The following CNTNAP5 variants were observed in gnomAD, a reference collection of about 807,000 sequenced individuals.
CNTNAP5 encodes the protein contactin associated protein family member 5, also known as contactin-associated protein-like 5.
Under a neutral mutation model 150.2 loss-of-function variants are expected in CNTNAP5, and 72 were observed. That is an observed-to-expected ratio of 0.48 (90% CI 0.40 to 0.58). The LOEUF (loss-of-function observed/expected upper bound fraction) is 0.58. Ranked by LOEUF, CNTNAP5 falls within the 20% of genes least tolerant of loss-of-function variation. The probability of loss-of-function intolerance (pLI) is 0.00; values close to 1 mark genes in which losing one functional copy is unlikely to be tolerated. For synonymous variants in CNTNAP5, 672 were observed against 619.8 expected (o/e 1.08, Z -1.25); for missense variants, 1,636 against 1,626.2 (o/e 1.01, Z -0.10).
At chr2:124,674,505 CT>C (rs764616324) in intron 13 of CNTNAP5, among the ~76,000 whole-genome samples, 1 of 105,978 alleles carries the variant, frequency 9.4e-6, no homozygotes, top group African/African-American at 3.4e-5. Flanking sequence ...TCCTTTCTTT[CT>C]TTCTCTTTCT....
At chr2:124,423,146 C>T (rs1304039377) in intron 4 of CNTNAP5, among the ~76,000 whole-genome samples, 1 of 152,174 alleles carries the variant, frequency 6.6e-6, no homozygotes, top group African/African-American at 2.4e-5. Flanking sequence ...CTTGGGCAAT[C>T]TTGGGTCCTC....
chr2:124,025,754 C>A (rs371083325), intron 1 of CNTNAP5, 22 bp downstream of exon 1: 806 of 1,578,434 alleles, frequency 5.1e-4, no homozygotes, highest in Non-Finnish European at 6.6e-4. Context: ...GAGCTGGGGG[C>A]GGGAAGGTGA....
chr2:124,653,095 T>C (rs1678356608), intron 13 of CNTNAP5, among the ~76,000 whole-genome samples: 1 of 152,184 alleles, frequency 6.6e-6, no homozygotes, highest in African/African-American at 2.4e-5. Flanking sequence ...TCCAGAGCCC[T>C]ACAGCATCAC....
chr2:124,830,562 G>A (rs1682692956), intron 19 of CNTNAP5, among the ~76,000 whole-genome samples: 1 of 151,958 alleles, frequency 6.6e-6, no homozygotes, highest in Admixed American at 6.6e-5. Flanking sequence ...CTATATAATA[G>A]AGGAATGTAA....
intron 19 of CNTNAP5, among the ~76,000 whole-genome samples, chr2:124,806,358 T>G (rs1488431126): frequency 6.6e-6 from 1 of 152,160 alleles, no homozygotes; most frequent in African/African-American, 2.4e-5. Context: ...CCTGGTGCAT[T>G]TCAAAAGTCT....
At chr2:124,359,528 G>A (rs557191795) in intron 3 of CNTNAP5, among the ~76,000 whole-genome samples, 141 of 150,274 alleles carry the variant, frequency 9.4e-4, no homozygotes, top group Admixed American at 2.2e-3. Flanking sequence ...TGGTTTCAAA[G>A]AACATCTTTA....
At chr2:124,280,710 G>T (rs1687992014) in intron 3 of CNTNAP5, among the ~76,000 whole-genome samples, 1 of 151,920 alleles carries the variant, frequency 6.6e-6, no homozygotes, top group Non-Finnish European at 1.5e-5. Flanking sequence ...CAACTATTAT[G>T]TCTTCAAATC....
intron 13 of CNTNAP5, among the ~76,000 whole-genome samples, chr2:124,722,889 C>G (rs1423930186): frequency 3.3e-5 from 5 of 152,178 alleles, no homozygotes; most frequent in Non-Finnish European, 7.3e-5. Flanking sequence ...AGAAGTCTGA[C>G]AGTCTTCCTT....
chr2:124,361,686 G>C (rs1015450218), intron 3 of CNTNAP5, among the ~76,000 whole-genome samples: 1 of 147,488 alleles, frequency 6.8e-6, no homozygotes, highest in Non-Finnish European at 1.5e-5. Flanking sequence ...CCAGCTGCGT[G>C]CTGGGAGAAC....
intron 3 of CNTNAP5, among the ~76,000 whole-genome samples, chr2:124,349,880 T>A (rs1420614267): frequency 2.0e-4 from 12 of 58,580 alleles, no homozygotes; most frequent in African/African-American, 7.3e-4. Flanking sequence ...ATTTCTTTTT[T>A]TTTTTTTTTT....
At chr2:124,811,706 C>CGG (rs70999221) in intron 19 of CNTNAP5, among the ~76,000 whole-genome samples, 1,386 of 136,544 alleles carry the variant, frequency 0.01, 47 homozygotes, top group East Asian at 0.08. Flanking sequence ...CTTTAGGAGG[C>CGG]GGGGGGGGTG....
chr2:124,437,208 C>T (rs540420226), intron 5 of CNTNAP5, among the ~76,000 whole-genome samples: 10 of 152,126 alleles, frequency 6.6e-5, no homozygotes, highest in African/African-American at 2.4e-4. Context: ...ACATTAGGAA[C>T]AGGGTTTTCA....
At chr2:124,387,289 C>T (rs999054721) in intron 3 of CNTNAP5, among the ~76,000 whole-genome samples, 1 of 152,182 alleles carries the variant, frequency 6.6e-6, no homozygotes, top group Middle Eastern at 3.2e-3. Context: ...AGATGCCCCA[C>T]CAATAATTTT....
chr2:124,783,453 G>A (rs1310190119), intron 17 of CNTNAP5, among the ~76,000 whole-genome samples: 1 of 152,008 alleles, frequency 6.6e-6, no homozygotes, highest in East Asian at 1.9e-4. Context: ...ATTTCTGCTT[G>A]TAATCCTCCT....
At chr2:124,487,307 A>G (rs1224551307) in intron 7 of CNTNAP5, among the ~76,000 whole-genome samples, 1 of 152,206 alleles carries the variant, frequency 6.6e-6, no homozygotes, top group African/African-American at 2.4e-5. Context: ...AAAAAATAAC[A>G]GATTGACTAG....
intron 13 of CNTNAP5, among the ~76,000 whole-genome samples, chr2:124,738,789 G>A (rs1450506287): frequency 6.6e-6 from 1 of 152,024 alleles, no homozygotes. Context: ...GAGTCTTTGT[G>A]AAGGTGGATG....
chr2:124,364,103 T>C (rs1007218083), intron 3 of CNTNAP5, among the ~76,000 whole-genome samples: 2 of 152,122 alleles, frequency 1.3e-5, no homozygotes, highest in African/African-American at 4.8e-5. Flanking sequence ...AGAGGCAAAA[T>C]CCTTACTGTG....
At chr2:124,706,854 A>G (rs1397881264) in intron 13 of CNTNAP5, among the ~76,000 whole-genome samples, 3 of 123,220 alleles carry the variant, frequency 2.4e-5, no homozygotes, top group Non-Finnish European at 5.1e-5. Flanking sequence ...AAGGAGGAGG[A>G]GGAGAAGGAG....
intron 6 of CNTNAP5, among the ~76,000 whole-genome samples, chr2:124,458,518 G>A (rs1326659029): frequency 6.6e-6 from 1 of 151,464 alleles, no homozygotes; most frequent in Admixed American, 6.6e-5. Context: ...GGGTTCAAGG[G>A]GAAAGCGTGG....
Sources: allele counts gnomAD v4.1 joint callset (sites outside exome capture counted in the v4.1 genomes callset), GRCh38; gene constraint gnomAD v4.1.1; transcripts MANE v1.5; gene names NCBI Gene and HGNC (gene_info 2026-07-23, HGNC 2026-07-21).